Variants in MEIKIN observed in about 807,000 individuals in gnomAD.
MEIKIN encodes the protein meiosis-specific kinetochore protein.
intron 9 of MEIKIN, among the ~76,000 whole-genome samples, chr5:131,866,193 T>A (rs1027612543): frequency 6.6e-6 from 1 of 152,218 alleles, no homozygotes; most frequent in Non-Finnish European, 1.5e-5. Context: ...GGCAGGCTGG[T>A]TTCCAGATCT....
chr5:131,909,967 G>A (rs984665092), intron 8 of MEIKIN, among the ~76,000 whole-genome samples: 1 of 152,190 alleles, frequency 6.6e-6, no homozygotes, highest in Non-Finnish European at 1.5e-5. Flanking sequence ...TATACTGTTG[G>A]TGGGAATGTA....
At chr5:131,828,511 G>T (rs1413885679) in intron 11 of MEIKIN, among the ~76,000 whole-genome samples, 1 of 152,016 alleles carries the variant, frequency 6.6e-6, no homozygotes, top group Non-Finnish European at 1.5e-5. Context: ...CCAGAGAATA[G>T]AACAAAATGA....
At chr5:131,850,072 T>G (rs1462836854) in intron 11 of MEIKIN, among the ~76,000 whole-genome samples, 3 of 142,748 alleles carry the variant, frequency 2.1e-5, no homozygotes. Context: ...AAAAAGAAAA[T>G]AAATTACAAT....
intron 7 of MEIKIN, among the ~76,000 whole-genome samples, chr5:131,913,999 A>T (rs1403614436): frequency 6.6e-6 from 1 of 152,144 alleles, no homozygotes; most frequent in African/African-American, 2.4e-5. Context: ...TCATAAATGG[A>T]TTAAGCCATT....
chr5:131,881,553 T>C (rs753899073), intron 8 of MEIKIN, among the ~76,000 whole-genome samples: 2 of 152,206 alleles, frequency 1.3e-5, no homozygotes, highest in Non-Finnish European at 2.9e-5. Context: ...TCCAAATACG[T>C]ATCCATAGCC....
At chr5:131,851,896 T>C (rs1750120968) in intron 10 of MEIKIN, among the ~76,000 whole-genome samples, 1 of 152,226 alleles carries the variant, frequency 6.6e-6, no homozygotes, top group Non-Finnish European at 1.5e-5. Flanking sequence ...CCACATATTT[T>C]GGTATCTTTG....
At chr5:131,890,276 T>C (rs1750885959) in intron 8 of MEIKIN, among the ~76,000 whole-genome samples, 1 of 152,210 alleles carries the variant, frequency 6.6e-6, no homozygotes, top group South Asian at 2.1e-4. Context: ...GAAGGAATGG[T>C]ACCAGCTCCT....
At chr5:131,839,828 G>A (rs1034889860) in intron 11 of MEIKIN, among the ~76,000 whole-genome samples, 1 of 152,128 alleles carries the variant, frequency 6.6e-6, no homozygotes, top group Non-Finnish European at 1.5e-5. Flanking sequence ...CCTTTTAATT[G>A]AGGCAGTTAA....
intron 11 of MEIKIN, among the ~76,000 whole-genome samples, chr5:131,847,289 A>T (rs1750037582): frequency 6.6e-6 from 1 of 152,012 alleles, no homozygotes; most frequent in South Asian, 2.1e-4. Context: ...CATATGCTAT[A>T]TGTTGTTTAT....
intron 5 of MEIKIN, among the ~76,000 whole-genome samples, chr5:131,928,526 A>G (rs1437549754): frequency 6.6e-6 from 1 of 152,178 alleles, no homozygotes; most frequent in African/African-American, 2.4e-5. Context: ...AACTACACTT[A>G]TACTTCTCCC....
rs75968519 is a variant in MEIKIN at position 131,884,458 on chromosome 5, G to A, written c.704-5410C>T. The stretch of plus-strand genomic sequence containing the variant: ...AGAAGGGAACCCACTGCCTTGAAGG[G>A]AAGGAAGACCCAATCCTGGCAGGTT... On this transcript the variant is annotated intron_variant, in intron 8 of 12. Coordinates refer to ENST00000442687, the MANE Select transcript of MEIKIN (RefSeq NM_001303622.2). 6.4e-3 allele frequency among the ~76,000 whole-genome samples: 970 copies of A among 152,132 alleles called. 8 individuals carry two copies. Among genetic ancestry groups the A allele is most frequent in the African/African-American group, 0.022 (908 of 41,494 alleles).
chr5:131,843,471 T>C (rs931006862), intron 11 of MEIKIN, among the ~76,000 whole-genome samples: 3 of 152,238 alleles, frequency 2.0e-5, no homozygotes, highest in Admixed American at 6.5e-5. Context: ...CATATAAACA[T>C]AGGCTGTTAG....
intron 9 of MEIKIN, among the ~76,000 whole-genome samples, chr5:131,870,912 A>AAG (rs1217675343): frequency 6.6e-6 from 1 of 152,132 alleles, no homozygotes; most frequent in Non-Finnish European, 1.5e-5. Flanking sequence ...GTGTAGTAGA[A>AAG]AGAGTATAGG....
intron 12 of MEIKIN, among the ~76,000 whole-genome samples, chr5:131,813,813 T>A (rs573834269): frequency 6.6e-6 from 1 of 152,278 alleles, no homozygotes; most frequent in East Asian, 1.9e-4. Flanking sequence ...GTCAGGGTTC[T>A]CTGAAGGACA....
chr5:131,871,906 A>G (rs551984061), intron 9 of MEIKIN, among the ~76,000 whole-genome samples: 2 of 152,310 alleles, frequency 1.3e-5, no homozygotes, highest in South Asian at 4.1e-4. Context: ...GTGGACCTCT[A>G]GCAAACTCCA....
chr5:131,922,605 G>T (rs1004965257), intron 5 of MEIKIN, among the ~76,000 whole-genome samples: 1 of 152,036 alleles, frequency 6.6e-6, no homozygotes, highest in Admixed American at 6.6e-5. Flanking sequence ...GGATACCAAG[G>T]GACAACTGTA....
chr5:131,845,142 C>T (rs537368164), intron 11 of MEIKIN, among the ~76,000 whole-genome samples: 172 of 151,814 alleles, frequency 1.1e-3, no homozygotes, highest in African/African-American at 4.1e-3. Context: ...TGGTCGTGGG[C>T]ACCTGTAGTC....
chr5:131,887,322 G>C (rs960318639), intron 8 of MEIKIN, among the ~76,000 whole-genome samples: 1 of 152,144 alleles, frequency 6.6e-6, no homozygotes, highest in South Asian at 2.1e-4. Context: ...TGTCTTTATA[G>C]TAGCATGATT....
At chr5:131,871,496 T>C (rs1451038458) in intron 9 of MEIKIN, among the ~76,000 whole-genome samples, 5 of 152,190 alleles carry the variant, frequency 3.3e-5, no homozygotes, top group Non-Finnish European at 7.3e-5. Context: ...ACAAAGCGGC[T>C]GGGAAGCTCG....
Sources: gnomAD v4.1 joint callset for allele counts (sites outside exome capture counted in the v4.1 genomes callset) on GRCh38, gnomAD v4.1.1 for gene constraint, MANE v1.5 for transcripts, NCBI Gene and HGNC (gene_info 2026-07-23, HGNC 2026-07-21) for gene names.